The following TECTA variants were observed in gnomAD, a reference collection of about 807,000 sequenced individuals.
TECTA encodes tectorin alpha.
TECTA carries 128 observed loss-of-function variants against 216.8 expected under a neutral mutation model. The observed-to-expected ratio is 0.59, with a 90% confidence interval of 0.51 to 0.68. The LOEUF (loss-of-function observed/expected upper bound fraction) is 0.68, where lower values mean the gene tolerates loss of function less well. Ranked by LOEUF, TECTA falls within the 30% of genes least tolerant of loss-of-function variation. TECTA has a pLI of 0.00. For missense variants in TECTA, 2,551 were observed against 2,786.2 expected (o/e 0.92, Z 1.90); for synonymous variants, 1,089 against 1,117.1 (o/e 0.97, Z 0.50).
intron 20 of TECTA, among the ~76,000 whole-genome samples, chr11:121,182,769 A>G (rs1251312362): frequency 6.6e-6 from 1 of 152,100 alleles, no homozygotes; most frequent in East Asian, 1.9e-4. Context: ...GCCTGTCCTT[A>G]GACCCCTGGA....
At chr11:121,166,111 G>A (rs1947050523) in intron 17 of TECTA, among the ~76,000 whole-genome samples, 1 of 152,198 alleles carries the variant, frequency 6.6e-6, no homozygotes, top group Admixed American at 6.5e-5. Flanking sequence ...TCGGTGCCTT[G>A]CCATGTCAAA....
In TECTA at chr11:121,118,300, C is replaced by T; in HGVS notation, c.791-6C>T. ...AAATGTTGGCTCTAATGTCATTATT[C>T]CCCAGGACAATTCCTTCGGCGAGGG... On this transcript the variant is annotated splice_polypyrimidine_tract_variant and splice_region_variant and intron_variant, in intron 6 of 23. Transcript: ENST00000392793. 2.5e-6 allele frequency: 4 copies of T among 1,614,034 alleles called. No individual in the cohort carries two copies. Among genetic ancestry groups the T allele is most frequent in the Non-Finnish European group, 3.4e-6 (4 of 1,180,018 alleles).
chr11:121,116,342 C>T (rs562028728), intron 6 of TECTA, among the ~76,000 whole-genome samples: 2 of 152,324 alleles, frequency 1.3e-5, no homozygotes, highest in Non-Finnish European at 2.9e-5. Context: ...CAGACTCTTA[C>T]CCAAATACCT....
chr11:121,148,948 G>A (rs1319337027), intron 12 of TECTA, among the ~76,000 whole-genome samples: 1 of 152,156 alleles, frequency 6.6e-6, no homozygotes, highest in African/African-American at 2.4e-5. Context: ...CCCTTAATCG[G>A]GGACTGTAAT....
intron 20 of TECTA, among the ~76,000 whole-genome samples, chr11:121,169,432 C>CGAAT (rs538928546): frequency 2.6e-4 from 39 of 152,002 alleles, no homozygotes; most frequent in Admixed American, 5.2e-4. Context: ...CAAAAATTCT[C>CGAAT]GAATGAATGA....
intron 20 of TECTA, among the ~76,000 whole-genome samples, chr11:121,170,415 G>T (rs577998383): frequency 4.2e-4 from 64 of 151,726 alleles, no homozygotes; most frequent in African/African-American, 1.4e-3. Context: ...TTTTAGTGGG[G>T]TTTTTTTGTT....
rs181163743 is a variant in TECTA at position 121,189,530 on chromosome 11, C to T, written c.6251-234C>T. On this transcript the variant is annotated intron_variant, in intron 22 of 23. Transcript: ENST00000392793. ...CTGGGACTACAGGTGCCCGCCCCCA[C>T]GCCCGGCTAATTTTTTTGTATTTTT... is the stretch of plus-strand genomic sequence containing the variant. Among the ~76,000 whole-genome samples, 1,221 of 152,200 alleles carry T rather than the reference C, an allele frequency of 8.0e-3. 16 individuals are homozygous for T. The highest frequency in any genetic ancestry group is 0.028 in the African/African-American group (1,162 of 41,522).
chr11:121,115,843 G>A (rs1946496803), intron 6 of TECTA, among the ~76,000 whole-genome samples: 1 of 152,110 alleles, frequency 6.6e-6, no homozygotes, highest in Non-Finnish European at 1.5e-5. Context: ...TTTTTGTAGA[G>A]ATAGGGTCTC....
rs529491922 is a variant in TECTA, at chr11:121,122,523, G to A, written c.1204-2779G>A. Among the ~76,000 whole-genome samples, 6 of 152,120 alleles carry A rather than the reference G, an allele frequency of 3.9e-5. No homozygotes were observed. The South Asian group carries it at 1.2e-3, about 32-fold the overall frequency. On this transcript the variant is annotated intron_variant, in intron 7 of 23. Transcript: ENST00000392793. ...AGATTGGTACCAGGAGTGGGGTGCTGCTGTAATAAATACCTAAAAATGTGG... is the reference window on the plus strand; with the variant it reads ...AGATTGGTACCAGGAGTGGGGTGCTACTGTAATAAATACCTAAAAATGTGG...
intron 6 of TECTA, among the ~76,000 whole-genome samples, chr11:121,116,818 T>TG (rs1388574213): frequency 6.6e-6 from 1 of 152,188 alleles, no homozygotes; most frequent in Non-Finnish European, 1.5e-5. Flanking sequence ...GGCCTGGAAA[T>TG]GATGCTGAGT....
At position 121,145,237 on chromosome 11, in the gene TECTA, G is replaced by A. The variant is rs138993992; in HGVS notation, c.3544-318G>A. ...AAGAGTTCTATGTTTTGGTAGTTCA[G>A]TCTAAACTTTAATTGAATTCTTATT... On this transcript the variant is annotated intron_variant, in intron 11 of 23. Coordinates refer to ENST00000392793, the MANE Select transcript of TECTA (RefSeq NM_005422.4). 2.0e-5 allele frequency among the ~76,000 whole-genome samples: 3 copies of A among 152,328 alleles called. No homozygotes were observed. The East Asian group carries it at 5.8e-4, about 29-fold the overall frequency.
intron 11 of TECTA, among the ~76,000 whole-genome samples, chr11:121,140,718 G>A (rs1946776350): frequency 6.6e-6 from 1 of 152,058 alleles, no homozygotes; most frequent in Non-Finnish European, 1.5e-5. Flanking sequence ...TCACCTTGTG[G>A]CAGCATAAAC....
At chr11:121,147,819 C>T (rs1308910798) in intron 12 of TECTA, among the ~76,000 whole-genome samples, 1 of 152,130 alleles carries the variant, frequency 6.6e-6, no homozygotes, top group Non-Finnish European at 1.5e-5. Context: ...GGGGTGGGGA[C>T]AGGCATGCCA....
intron 8 of TECTA, among the ~76,000 whole-genome samples, 171 bp downstream of exon 8, chr11:121,126,043 C>T (rs1946608853): frequency 6.6e-6 from 1 of 152,116 alleles, no homozygotes; most frequent in Admixed American, 6.5e-5. Flanking sequence ...TACTTTTGCC[C>T]CCACCTAATA....
At chr11:121,177,253 G>T (rs1198383615) in intron 20 of TECTA, among the ~76,000 whole-genome samples, 1 of 148,952 alleles carries the variant, frequency 6.7e-6, no homozygotes, top group African/African-American at 2.5e-5. Flanking sequence ...GAGGCGCTCT[G>T]CTTTTTAGAG....
At chr11:121,182,705 A>G (rs1187561697) in intron 20 of TECTA, among the ~76,000 whole-genome samples, 2 of 151,892 alleles carry the variant, frequency 1.3e-5, no homozygotes, top group African/African-American at 2.4e-5. Flanking sequence ...TTGATCCCTA[A>G]ATCCCCCCAA....
chr11:121,188,109 G>A, intron 21 of TECTA, 115 bp downstream of exon 21: 1 of 1,106,450 alleles, frequency 9.0e-7, no homozygotes, highest in Non-Finnish European at 1.3e-6. Context: ...AGATGCTTGG[G>A]GTGGACAGTC....
intron 11 of TECTA, among the ~76,000 whole-genome samples, chr11:121,141,188 C>A (rs1432404393): frequency 6.6e-6 from 1 of 152,202 alleles, no homozygotes; most frequent in Non-Finnish European, 1.5e-5. Flanking sequence ...AAATGCATTG[C>A]AGGATCTGCT....
At chr11:121,134,106 A>G (rs1293613489) in intron 10 of TECTA, among the ~76,000 whole-genome samples, 1 of 151,606 alleles carries the variant, frequency 6.6e-6, no homozygotes, top group African/African-American at 2.4e-5. Context: ...TGCCTCTGTC[A>G]TTTTTTTTGA....
Sources: gnomAD v4.1 joint callset for allele counts (sites outside exome capture counted in the v4.1 genomes callset) on GRCh38, gnomAD v4.1.1 for gene constraint, MANE v1.5 for transcripts, NCBI Gene and HGNC (gene_info 2026-07-23, HGNC 2026-07-21) for gene names.